CAV2: variants seen among roughly 807,000 people sequenced by gnomAD.
The protein encoded by CAV2 is caveolin-2.
CAV2 carries 7 observed loss-of-function variants against 15.5 expected under a neutral mutation model. That is an observed-to-expected ratio of 0.45 (90% CI 0.26 to 0.85). The LOEUF is 0.85. CAV2 is among the 40% of genes least tolerant of loss of function. The probability of loss-of-function intolerance (pLI) is 0.18; values close to 1 mark genes in which losing one functional copy is unlikely to be tolerated. For synonymous variants in CAV2, 76 were observed against 83.1 expected, an observed-to-expected ratio of 0.91 and a Z score of 0.46; for missense variants, 229 against 208.8, an observed-to-expected ratio of 1.10 and a Z score of -0.60.
Position 116,506,418 on chromosome 7 carries a change from A to G in CAV2, c.*297A>G, listed in dbSNP as rs2116140182. 1 of 260,268 alleles carries G rather than the reference A, an allele frequency of 3.8e-6. No individual in the cohort carries two copies. The highest frequency in any genetic ancestry group is 1.5e-4 in the South Asian group (1 of 6,652). The allele number at this position is 260,268 out of a possible 1,614,324, so 16.1% of individuals were successfully genotyped here. On this transcript the variant is annotated 3_prime_UTR_variant, in exon 3 of 3. Transcript: ENST00000222693. ...AATAGTATACATTTTATAATGATGA[A>G]CTTATAATGATTAAGGGACATTTCT...
intron 2 of CAV2, chr7:116,500,808 TC>T (rs1054680388): frequency 2.4e-5 from 5 of 211,686 alleles, no homozygotes; most frequent in African/African-American, 1.1e-4. Context: ...GACTCTTCTT[TC>T]TTTCATTGCC....
intron 2 of CAV2, among the ~76,000 whole-genome samples, chr7:116,503,077 A>G (rs1378386654): frequency 2.0e-5 from 3 of 151,900 alleles, no homozygotes; most frequent in African/African-American, 7.3e-5. Flanking sequence ...CAATTACTAC[A>G]ACACTAAATA....
chr7:116,500,162 C>A, intron 1 of CAV2, 98 bp from the exon 2 acceptor site: 3 of 1,524,850 alleles, frequency 2.0e-6, no homozygotes, highest in East Asian at 4.5e-5. Flanking sequence ...GACGCCCTGG[C>A]ACGTCCTTCC....
At position 116,506,200 on chromosome 7, in the gene CAV2, T is replaced by C. The variant is rs1793236171; in HGVS notation, c.*79T>C. ...ATAACATAAAAGCACCACTGTTCTG[T>C]TCATTTCCTAGCTGTTCTAATTAAG... On this transcript the variant is annotated 3_prime_UTR_variant, in exon 3 of 3. Transcript: ENST00000222693. 7.1e-7 allele frequency: 1 copy of C among 1,398,732 alleles called. No homozygotes were observed. Among genetic ancestry groups the C allele is most frequent in the East Asian group, 2.3e-5 (1 of 42,644 alleles). 86.6% of individuals were successfully genotyped at this position (1,398,732 alleles called of 1,614,324 possible).
rs937794447 is a variant in CAV2, at chr7:116,507,660, A to G, written c.*1539A>G. 1.4e-5 allele frequency: 2 copies of G among 147,722 alleles called. No homozygotes were observed. The highest frequency in any genetic ancestry group is 3.0e-5 in the Non-Finnish European group (2 of 67,250). 9.2% of individuals were successfully genotyped at this position (147,722 alleles called of 1,614,324 possible). ...TGCACTCCCGCCTGGCAACAGAGCA[A>G]GAGTCTGTCTCAAAAAAAAAAAGAA... On this transcript the variant is annotated 3_prime_UTR_variant, in exon 3 of 3. Coordinates refer to ENST00000222693, the MANE Select transcript of CAV2 (RefSeq NM_001233.5).
At chr7:116,499,978 G>A (rs1187920319) in intron 1 of CAV2, 47 bp downstream of exon 1, 2 of 1,593,076 alleles carry the variant, frequency 1.3e-6, no homozygotes, top group East Asian at 2.3e-5. Context: ...AGGCCGGGAG[G>A]TGCGGGCGCC....
chr7:116,501,326 C>T (rs1259583802), intron 2 of CAV2: 2 of 152,060 alleles, frequency 1.3e-5, no homozygotes, highest in African/African-American at 4.8e-5. Flanking sequence ...TCAGATCATC[C>T]CCAGTATCAC....
intron 2 of CAV2, among the ~76,000 whole-genome samples, chr7:116,502,740 C>A (rs189107851): frequency 6.6e-6 from 1 of 152,242 alleles, no homozygotes; most frequent in Non-Finnish European, 1.5e-5. Context: ...ATTTTAGATC[C>A]TTTAAACAAA....
Position 116,506,053 on chromosome 7 carries a change from A to G in CAV2, c.421A>G (p.Ile141Val). ...TIWKSVTDVI[I>V]APLCTSVGRC... ...ATGGAAGAGTGTGACAGATGTTATC[A>G]TTGCTCCATTGTGTACGAGCGTAGG... The change falls in exon 3 of 3, where the codon ATT becomes GTT. Residue 141 changes from isoleucine to valine, a missense_variant. Transcript: ENST00000222693. 2 of 1,613,794 alleles carry G rather than the reference A, an allele frequency of 1.2e-6. No homozygotes were observed. The highest frequency in any genetic ancestry group is 1.7e-6 in the Non-Finnish European group (2 of 1,179,712).
At chr7:116,504,908 A>G (rs1454795907) in intron 2 of CAV2, among the ~76,000 whole-genome samples, 1 of 152,170 alleles carries the variant, frequency 6.6e-6, no homozygotes, top group Non-Finnish European at 1.5e-5. Context: ...AGCCCTTTTC[A>G]GTGTGTGTGA....
intron 2 of CAV2, among the ~76,000 whole-genome samples, chr7:116,501,593 A>T (rs1278524505): frequency 6.6e-6 from 1 of 152,234 alleles, no homozygotes. Context: ...CTGGGCCAGG[A>T]TGAATGAGAG....
chr7:116,506,100 C>G lies in CAV2; in HGVS notation c.468C>G (p.Ser156Arg). ...TAGGACGATGCTTCTCTTCTGTCAGCCTGCAACTGAGCCAGGATTGAATAC... is the reference window on the plus strand; with the variant it reads ...TAGGACGATGCTTCTCTTCTGTCAGGCTGCAACTGAGCCAGGATTGAATAC... ...TSVGRCFSSV[S>R]LQLSQD Residue 156 changes from serine (S) to arginine (R), a missense_variant, in exon 3 of 3, where the codon AGC becomes AGG. By Grantham distance (110) the Ser-to-Arg change is moderately radical (BLOSUM62 -1). Coordinates refer to ENST00000222693, the MANE Select transcript of CAV2 (RefSeq NM_001233.5). 6.2e-7 allele frequency: 1 copy of G among 1,614,060 alleles called. No homozygotes were observed. Among genetic ancestry groups the G allele is most frequent in the South Asian group, 1.1e-5 (1 of 91,070 alleles).
intron 2 of CAV2, among the ~76,000 whole-genome samples, chr7:116,505,331 C>G (rs1793208725): frequency 6.6e-6 from 1 of 152,090 alleles, no homozygotes; most frequent in African/African-American, 2.4e-5. Context: ...AGCATGCCAC[C>G]AGTAGAAAGA....
intron 2 of CAV2, among the ~76,000 whole-genome samples, chr7:116,502,135 C>G (rs1440203638): frequency 6.6e-6 from 1 of 152,098 alleles, no homozygotes; most frequent in East Asian, 1.9e-4. Flanking sequence ...GTCAACAAAG[C>G]TAGGCTTCCC....
chr7:116,500,593 C>T, intron 2 of CAV2, 146 bp downstream of exon 2: 1 of 696,378 alleles, frequency 1.4e-6, no homozygotes. Context: ...ACTGGAAGGC[C>T]TTGAAAGGCA....
At chr7:116,503,090 A>T (rs981185839) in intron 2 of CAV2, among the ~76,000 whole-genome samples, 1 of 151,730 alleles carries the variant, frequency 6.6e-6, no homozygotes, top group Non-Finnish European at 1.5e-5. Context: ...ACTAAATAAA[A>T]GTCTCTATCC....
At chr7:116,503,405 C>T (rs1035421777) in intron 2 of CAV2, among the ~76,000 whole-genome samples, 6 of 152,216 alleles carry the variant, frequency 3.9e-5, no homozygotes, top group African/African-American at 9.6e-5. Flanking sequence ...CTGAACTCCT[C>T]GAATGTGGGT....
rs1161410130 is a variant in CAV2 at position 116,508,168 on chromosome 7, CA to C, written c.*2048del. 2 of 152,112 alleles carry C rather than the reference CA, an allele frequency of 1.3e-5. No individual in the cohort carries two copies. Among genetic ancestry groups the C allele is most frequent in the African/African-American group, 4.8e-5 (2 of 41,436 alleles). The allele number at this position is 152,112 out of a possible 1,614,324, so 9.4% of individuals were successfully genotyped here. ...TATAGTTATGTCTTGTATTTAAAAA[CA>C]TTTTTTATACATTTGGTTATGTTGA... On this transcript the variant is annotated 3_prime_UTR_variant, in exon 3 of 3. Coordinates refer to ENST00000222693, the MANE Select transcript of CAV2 (RefSeq NM_001233.5).
At chr7:116,502,273 T>A (rs1361766640) in intron 2 of CAV2, among the ~76,000 whole-genome samples, 1 of 152,194 alleles carries the variant, frequency 6.6e-6, no homozygotes, top group East Asian at 1.9e-4. Context: ...ATGGGAGGTG[T>A]TTTTGTATAG....
Sources: allele counts gnomAD v4.1 joint callset (sites outside exome capture counted in the v4.1 genomes callset), GRCh38; gene constraint gnomAD v4.1.1; transcripts MANE v1.5; gene names NCBI Gene and HGNC (gene_info 2026-07-23, HGNC 2026-07-21).